The following NRG3 variants were observed in gnomAD, a reference collection of about 807,000 sequenced individuals.
The protein encoded by NRG3 is pro-neuregulin-3, membrane-bound isoform.
A neutral mutation model predicts 66.9 loss-of-function variants in NRG3; 31 were observed. The observed-to-expected ratio is 0.46, with a 90% CI of 0.35 to 0.63. The LOEUF (loss-of-function observed/expected upper bound fraction) is 0.63, where lower values mean the gene tolerates loss of function less well. Among genes scored for constraint, NRG3 ranks in the 20% least tolerant of loss-of-function variants. The pLI, the probability that NRG3 is intolerant of heterozygous loss-of-function variation, is 0.00. For synonymous variants in NRG3, 393 were observed against 359.4 expected, an observed-to-expected ratio of 1.09 and a Z score of -1.06; for missense variants, 910 against 878.9, an observed-to-expected ratio of 1.04 and a Z score of -0.45.
At chr10:81,911,243 G>A (rs564519095) in intron 1 of NRG3, among the ~76,000 whole-genome samples, 2 of 152,278 alleles carry the variant, frequency 1.3e-5, no homozygotes, top group Non-Finnish European at 2.9e-5. Flanking sequence ...GTCAAGTGGA[G>A]AATTCATTTA....
At chr10:82,760,990 GA>G (rs1379622344) in intron 3 of NRG3, among the ~76,000 whole-genome samples, 3 of 150,422 alleles carry the variant, frequency 2.0e-5, no homozygotes, top group African/African-American at 4.9e-5. Flanking sequence ...CTTAGAACTA[GA>G]AAAAAAAATT....
intron 1 of NRG3, among the ~76,000 whole-genome samples, chr10:82,306,594 A>C (rs1415937494): frequency 6.6e-6 from 1 of 150,694 alleles, no homozygotes; most frequent in Non-Finnish European, 1.5e-5. Context: ...GTCCCAGCTA[A>C]TCGGGAGGCT....
chr10:82,686,545 A>G (rs2054528397), intron 2 of NRG3, among the ~76,000 whole-genome samples: 2 of 152,192 alleles, frequency 1.3e-5, no homozygotes, highest in South Asian at 4.1e-4. Flanking sequence ...TACCAGCATC[A>G]CCACAAACAC....
chr10:82,937,382 T>G (rs1848178795), intron 4 of NRG3, among the ~76,000 whole-genome samples: 1 of 152,152 alleles, frequency 6.6e-6, no homozygotes, highest in South Asian at 2.1e-4. Flanking sequence ...ACAGGTTAAA[T>G]AAAATTGCCG....
chr10:82,810,737 TAAAAAAAAAAA>T (rs750726119), intron 3 of NRG3, among the ~76,000 whole-genome samples: 4 of 70,006 alleles, frequency 5.7e-5, no homozygotes, highest in Non-Finnish European at 8.3e-5. Flanking sequence ...CACTCCAGCC[TAAAAAAAAAAA>T]AAAAAAAAAG....
At chr10:82,727,721 G>C (rs2057680367) in intron 2 of NRG3, among the ~76,000 whole-genome samples, 1 of 152,170 alleles carries the variant, frequency 6.6e-6, no homozygotes, top group Non-Finnish European at 1.5e-5. Flanking sequence ...TGAGAAGAGA[G>C]CCACTGTCCT....
rs572326001 is a variant in NRG3 at position 81,977,996 on chromosome 10, C to T, written c.823+101833C>T. ...ATCAGATCAGGGCAATTAGTATTTT[C>T]GTCATCTCAAACATTTGTTATTTCT... is the stretch of plus-strand genomic sequence containing the variant. On this transcript the variant is annotated intron_variant, in intron 1 of 8. Coordinates refer to ENST00000372141, the MANE Select transcript of NRG3 (RefSeq NM_001010848.4). Among the ~76,000 whole-genome samples the T allele has an allele frequency of 5.3e-5, 8 of 152,108 alleles. No homozygotes were observed. In the East Asian group the frequency reaches 7.7e-4, roughly 15 times the overall value.
At chr10:82,137,642 T>C (rs781412380) in intron 1 of NRG3, among the ~76,000 whole-genome samples, 5 of 152,170 alleles carry the variant, frequency 3.3e-5, no homozygotes, top group Non-Finnish European at 5.9e-5. Flanking sequence ...TTAGTGAAAT[T>C]GAAATATCAG....
chr10:82,096,139 G>A lies in NRG3; in HGVS notation c.823+219976G>A, dbSNP rs576578657. Among the ~76,000 whole-genome samples the A allele has an allele frequency of 8.1e-4, 123 of 152,270 alleles. 1 individual carries two copies. The highest frequency in any genetic ancestry group is 1.1e-3 in the Non-Finnish European group (74 of 68,016). On this transcript the variant is annotated intron_variant, in intron 1 of 8. Coordinates refer to ENST00000372141, the MANE Select transcript of NRG3 (RefSeq NM_001010848.4). ...CATAGCATGGAATCTGTAAGAAAAT[G>A]TAACCTAAGACGGAAGAAAATTTTC...
Position 82,530,797 on chromosome 10 carries a change from A to T in NRG3, c.953+171929A>T, listed in dbSNP as rs557552780. ...TATCTTGACTCACTGAAAAATTATT[A>T]AAAAAAAGTTTTTCCTGGAGCTTTG... On this transcript the variant is annotated intron_variant, in intron 2 of 8. Coordinates refer to ENST00000372141, the MANE Select transcript of NRG3 (RefSeq NM_001010848.4). 2.1e-4 allele frequency among the ~76,000 whole-genome samples: 32 copies of T among 151,820 alleles called. 1 individual carries two copies. The highest frequency in any genetic ancestry group is 1.5e-3 in the East Asian group (8 of 5,186).
At chr10:82,572,217 T>A (rs564752557) in intron 2 of NRG3, among the ~76,000 whole-genome samples, 1 of 151,884 alleles carries the variant, frequency 6.6e-6, no homozygotes, top group East Asian at 1.9e-4. Flanking sequence ...CCTCAGCATT[T>A]TTTTCAGCTC....
intron 2 of NRG3, among the ~76,000 whole-genome samples, chr10:82,548,625 A>G (rs942391611): frequency 3.0e-4 from 46 of 152,032 alleles, no homozygotes; most frequent in African/African-American, 8.7e-4. Context: ...AGGACCTGGA[A>G]AAACAGAACC....
intron 3 of NRG3, among the ~76,000 whole-genome samples, chr10:82,761,965 TTTCTTTCTTTTCTTTCTTTC>T (rs2059340049): frequency 6.9e-6 from 1 of 144,534 alleles, no homozygotes; most frequent in African/African-American, 2.5e-5. Context: ...TCTTTCTTTC[TTTCTTTCTTTTCTTTCTTTC>T]TTCTTTCTTT....
chr10:82,399,638 C>G (rs1163489423), intron 2 of NRG3, among the ~76,000 whole-genome samples: 1 of 152,162 alleles, frequency 6.6e-6, no homozygotes, highest in African/African-American at 2.4e-5. Context: ...AAATCCCTTC[C>G]TCTTCTTAAA....
At chr10:82,300,643 A>T (rs1161689167) in intron 1 of NRG3, among the ~76,000 whole-genome samples, 1 of 152,192 alleles carries the variant, frequency 6.6e-6, no homozygotes, top group African/African-American at 2.4e-5. Context: ...ACAAACATGA[A>T]CTGAAGTGCG....
chr10:82,727,565 G>T (rs1401919252), intron 2 of NRG3, among the ~76,000 whole-genome samples: 2 of 152,252 alleles, frequency 1.3e-5, no homozygotes, highest in African/African-American at 4.8e-5. Context: ...TTCAGAGGAT[G>T]TATGCAAATG....
chr10:82,369,298 T>G (rs1300926432), intron 2 of NRG3, among the ~76,000 whole-genome samples: 1 of 138,340 alleles, frequency 7.2e-6, no homozygotes, highest in Non-Finnish European at 1.5e-5. Context: ...TCTGGCTTTA[T>G]GTACTCTACT....
intron 1 of NRG3, among the ~76,000 whole-genome samples, chr10:82,291,844 G>A (rs747018416): frequency 6.6e-5 from 10 of 151,998 alleles, no homozygotes; most frequent in Non-Finnish European, 1.0e-4. Context: ...ATGAATTATC[G>A]GCTGGAAACA....
chr10:82,848,852 C>T (rs1427299541), intron 3 of NRG3, among the ~76,000 whole-genome samples: 1 of 152,162 alleles, frequency 6.6e-6, no homozygotes, highest in African/African-American at 2.4e-5. Flanking sequence ...TGCACATGTT[C>T]TCTTGCCTGC....
Sources: allele counts gnomAD v4.1 joint callset (sites outside exome capture counted in the v4.1 genomes callset), GRCh38; gene constraint gnomAD v4.1.1; transcripts MANE v1.5; gene names NCBI Gene and HGNC (gene_info 2026-07-23, HGNC 2026-07-21).